The following PACC1 variants were observed in gnomAD, a reference collection of about 807,000 sequenced individuals.
PACC1 encodes proton-activated chloride channel.
PACC1 carries 34 observed loss-of-function variants against 39.7 expected under a neutral mutation model. That is an observed-to-expected ratio of 0.86 (90% CI 0.65 to 1.14). The LOEUF is 1.14. PACC1 is among the 50% of genes most tolerant of loss of function. The pLI, the probability that PACC1 is intolerant of heterozygous loss-of-function variation, is 0.00. For synonymous variants in PACC1, 127 were observed against 160.6 expected, an observed-to-expected ratio of 0.79 and a Z score of 1.58; for missense variants, 379 against 436.4, an observed-to-expected ratio of 0.87 and a Z score of 1.17.
At chr1:212,367,966 G>A (rs896828875) in intron 7 of PACC1, among the ~76,000 whole-genome samples, 4 of 152,038 alleles carry the variant, frequency 2.6e-5, no homozygotes, top group African/African-American at 9.7e-5. Flanking sequence ...CCAGGGTGGT[G>A]CCAGCTGTGA....
chr1:212,382,737 C>T (rs1222770130), intron 4 of PACC1, among the ~76,000 whole-genome samples: 1 of 152,222 alleles, frequency 6.6e-6, no homozygotes, highest in Non-Finnish European at 1.5e-5. Context: ...AAGCTGCTCA[C>T]ACAAGCAGGA....
intron 5 of PACC1, among the ~76,000 whole-genome samples, chr1:212,377,985 T>G (rs1166489542): frequency 6.6e-6 from 1 of 152,098 alleles, no homozygotes; most frequent in Non-Finnish European, 1.5e-5. Flanking sequence ...GAAATCTTCC[T>G]CCCTCCTCCC....
chr1:212,377,579 C>T lies in PACC1; in HGVS notation c.766G>A (p.Val256Met). 3 of 1,614,172 alleles carry T rather than the reference C, an allele frequency of 1.9e-6. No individual in the cohort carries two copies. The highest frequency in any genetic ancestry group is 2.5e-6 in the Non-Finnish European group (3 of 1,180,004). Residue 256 changes from valine (V) to methionine (M), a missense_variant, in exon 6 of 8, where the codon GTG (valine) becomes ATG (methionine). By Grantham distance (21) the Val-to-Met change is conservative. Coordinates refer to ENST00000261455, the MANE Select transcript of PACC1 (RefSeq NM_018252.3). Reference sequence around the variant, plus strand: ...CCACCTACCTCCTGCCGGAACTCCACTGCTTCCCGCCCATCCTCCTCCTTG... The same window carrying T: ...CCACCTACCTCCTGCCGGAACTCCATTGCTTCCCGCCCATCCTCCTCCTTG... Reference protein sequence around the residue: ...KTKEEDGREAVEFRQETSVVN... With the variant: ...KTKEEDGREAMEFRQETSVVN...
At chr1:212,402,151 A>G (rs1479622467) in intron 2 of PACC1, among the ~76,000 whole-genome samples, 1 of 152,204 alleles carries the variant, frequency 6.6e-6, no homozygotes, top group Non-Finnish European at 1.5e-5. Context: ...ATGTGGACGT[A>G]AGTTTTCATT....
At chr1:212,400,121 C>T (rs1047496473) in intron 2 of PACC1, among the ~76,000 whole-genome samples, 1 of 152,128 alleles carries the variant, frequency 6.6e-6, no homozygotes, top group Non-Finnish European at 1.5e-5. Flanking sequence ...GCTGGGATTA[C>T]AGGGATGAGC....
chr1:212,399,327 G>A (rs892739745), intron 2 of PACC1, among the ~76,000 whole-genome samples: 1 of 150,612 alleles, frequency 6.6e-6, no homozygotes, highest in Non-Finnish European at 1.5e-5. Context: ...CAGAATGAGA[G>A]AGTCTTAAGA....
intron 7 of PACC1, among the ~76,000 whole-genome samples, chr1:212,368,312 A>C (rs893312740): frequency 3.9e-5 from 6 of 152,132 alleles, no homozygotes; most frequent in African/African-American, 1.2e-4. Context: ...ATAAACACCT[A>C]AATCTTCAAT....
intron 7 of PACC1, among the ~76,000 whole-genome samples, chr1:212,374,558 A>G (rs1156860980): frequency 3.7e-4 from 57 of 152,242 alleles, no homozygotes; most frequent in Admixed American, 3.7e-3. Flanking sequence ...AATGTTCCCA[A>G]TGCAAGGAAA....
chr1:212,410,489 G>A lies in PACC1; in HGVS notation c.69C>T (p.Asn23=), dbSNP rs765799698. The change falls in exon 2 of 8, where the codon AAC becomes AAT. Residue 23 remains asparagine (N), a synonymous_variant. Transcript: ENST00000261455. ...LSEELVQVVE[N]SELADEQDKE... ...TGTCCTGCTCGTCTGCCAGCTCTGA[G>A]TTCTCAACCACCTGGACCAACTCCT... The A allele has an allele frequency of 1.2e-6, 2 of 1,614,212 alleles. No individual in the cohort carries two copies. The highest frequency in any genetic ancestry group is 8.5e-7 in the Non-Finnish European group (1 of 1,180,024).
intron 2 of PACC1, among the ~76,000 whole-genome samples, chr1:212,392,865 C>A (rs201255106): frequency 0.46 from 69,119 of 149,226 alleles, 17,415 homozygotes; most frequent in African/African-American, 0.69. Flanking sequence ...GTAAAGGGAT[C>A]AATTCAACAA....
intron 2 of PACC1, among the ~76,000 whole-genome samples, chr1:212,388,654 C>T (rs1298158492): frequency 2.0e-5 from 3 of 152,190 alleles, no homozygotes; most frequent in Non-Finnish European, 2.9e-5. Context: ...ATCTGCAAGC[C>T]AAGGAGAAAG....
At chr1:212,396,368 A>G (rs190820116) in intron 2 of PACC1, among the ~76,000 whole-genome samples, 63 of 152,256 alleles carry the variant, frequency 4.1e-4, no homozygotes, top group Admixed American at 7.8e-4. Context: ...GTTCTCACTC[A>G]TAGGTGGGAA....
At chr1:212,385,156 T>TA in intron 4 of PACC1, 118 bp downstream of exon 4, 1 of 1,181,488 alleles carries the variant, frequency 8.5e-7, no homozygotes, top group South Asian at 1.4e-5. Flanking sequence ...CCTTGGGGAC[T>TA]AAGGCCCCAC....
At chr1:212,413,748 C>T (rs1662220123) in intron 1 of PACC1, 2 of 847,334 alleles carry the variant, frequency 2.4e-6, no homozygotes, top group East Asian at 2.7e-5. Context: ...AGGGCAGCGT[C>T]AGGTCTGAGA....
At position 212,410,507 on chromosome 1, in the gene PACC1, C is replaced by A; in HGVS notation, c.51G>T (p.Leu17Phe). The A allele has an allele frequency of 6.2e-7, 1 of 1,614,156 alleles. No individual in the cohort carries two copies. The highest frequency in any genetic ancestry group is 8.5e-7 in the Non-Finnish European group (1 of 1,179,994). Residue 17 changes from leucine (L) to phenylalanine (F), a missense_variant, in exon 2 of 8, where the codon TTG becomes TTT. By Grantham distance (22) the Leu-to-Phe change is conservative. Coordinates refer to ENST00000261455, the MANE Select transcript of PACC1 (RefSeq NM_018252.3). Reference sequence around the variant, plus strand: ...GCTCTGAGTTCTCAACCACCTGGACCAACTCCTCACTCAGCTAAAGGGAGA... The same window carrying A: ...GCTCTGAGTTCTCAACCACCTGGACAAACTCCTCACTCAGCTAAAGGGAGA... The part of the protein sequence containing the change: ...STSYQELSEE[L>F]VQVVENSELA...
intron 2 of PACC1, among the ~76,000 whole-genome samples, chr1:212,404,853 C>G (rs1020408465): frequency 1.3e-5 from 2 of 152,186 alleles, no homozygotes; most frequent in Non-Finnish European, 2.9e-5. Context: ...ATTGCAACCT[C>G]CGCCTCCCGG....
intron 2 of PACC1, among the ~76,000 whole-genome samples, chr1:212,394,971 T>TCA (rs1661459662): frequency 1.3e-5 from 2 of 152,348 alleles, no homozygotes; most frequent in South Asian, 4.1e-4. Context: ...TCCATGCTCA[T>TCA]GGATAGGAAG....
At chr1:212,396,664 G>A in intron 2 of PACC1, among the ~76,000 whole-genome samples, 1 of 121,278 alleles carries the variant, frequency 8.2e-6, no homozygotes, top group Admixed American at 8.7e-5. Flanking sequence ...ACAACTTACA[G>A]ATCCAAGAAG....
rs761880065 is a variant in PACC1, at chr1:212,379,903, GA to G, written c.629del (p.Phe210SerfsTer8). 13 of 1,613,338 alleles carry G rather than the reference GA, an allele frequency of 8.1e-6. No individual in the cohort carries two copies. The highest frequency in any genetic ancestry group is 1.1e-5 in the Non-Finnish European group (13 of 1,179,600). On this transcript the variant is annotated frameshift_variant, in exon 5 of 8. Coordinates refer to ENST00000261455, the MANE Select transcript of PACC1 (RefSeq NM_018252.3). LOFTEE classifies it high-confidence loss of function. ...DYLLFSSFQE[F>X]LQSPNRVGFM... Reference sequence around the variant, plus strand: ...GAACTCTAAAAGCCCACCTTTGCAGGAACTCCTGGAAAGAAGAGAAGAGGAG... The same window carrying G: ...GAACTCTAAAAGCCCACCTTTGCAGGACTCCTGGAAAGAAGAGAAGAGGAG...
Sources: gnomAD v4.1 joint callset for allele counts (sites outside exome capture counted in the v4.1 genomes callset) on GRCh38, gnomAD v4.1.1 for gene constraint, MANE v1.5 for transcripts, NCBI Gene and HGNC (gene_info 2026-07-23, HGNC 2026-07-21) for gene names.